The following MECOM variants were observed in gnomAD, a reference collection of about 807,000 sequenced individuals.
MECOM encodes the protein MDS1 and EVI1 complex locus.
In MECOM, 13 loss-of-function variants were observed where a neutral mutation model predicts 116.3. That is an observed-to-expected ratio of 0.11 (90% CI 0.07 to 0.18). The LOEUF is 0.18. MECOM is among the 10% of genes least tolerant of loss of function. MECOM has a pLI of 1.00. For missense variants in MECOM, 1,299 were observed against 1,509.0 expected, an observed-to-expected ratio of 0.86 and a Z score of 2.31; for synonymous variants, 528 against 535.2, an observed-to-expected ratio of 0.99 and a Z score of 0.19.
At chr3:169,480,316 C>A (rs1190104448) in intron 1 of MECOM, among the ~76,000 whole-genome samples, 1 of 152,092 alleles carries the variant, frequency 6.6e-6, no homozygotes, top group Admixed American at 6.6e-5. Context: ...TTCAACACTG[C>A]AATCTGAGTT....
At chr3:169,487,019 G>T (rs544221821) in intron 1 of MECOM, among the ~76,000 whole-genome samples, 137 of 151,758 alleles carry the variant, frequency 9.0e-4, no homozygotes, top group Middle Eastern at 3.4e-3. Context: ...TGTCATTAGA[G>T]AAATGATATC....
intron 2 of MECOM, among the ~76,000 whole-genome samples, chr3:169,152,235 A>AT (rs995530601): frequency 2.0e-5 from 3 of 151,772 alleles, no homozygotes; most frequent in East Asian, 3.9e-4. Flanking sequence ...GCCTTTTTTT[A>AT]TTTTTTTTAA....
intron 1 of MECOM, among the ~76,000 whole-genome samples, chr3:169,496,891 T>A (rs981834519): frequency 2.0e-5 from 3 of 151,932 alleles, no homozygotes; most frequent in Admixed American, 6.6e-5. Context: ...TACAGAAAAA[T>A]TTTCTTTGGG....
At position 169,299,649 on chromosome 3, in the gene MECOM, A is replaced by G. The variant is rs76583443; in HGVS notation, c.375+81538T>C. On this transcript the variant is annotated intron_variant, in intron 2 of 16. Transcript: ENST00000651503. ...TCTTTTCTACTGAACTTCATGAATC[A>G]CAGCCCCATTCCATATGCATAATTC... Among the ~76,000 whole-genome samples the G allele has an allele frequency of 1.4e-3, 206 of 152,272 alleles. 5 individuals carry two copies. The East Asian group carries it at 0.039, about 29-fold the overall frequency.
At chr3:169,319,707 G>A (rs541601679) in intron 2 of MECOM, among the ~76,000 whole-genome samples, 2 of 152,310 alleles carry the variant, frequency 1.3e-5, no homozygotes, top group East Asian at 1.9e-4. Context: ...TCCATCATCA[G>A]TAGCTGTGAG....
At chr3:169,148,233 A>G (rs1217225968) in intron 2 of MECOM, among the ~76,000 whole-genome samples, 3 of 152,174 alleles carry the variant, frequency 2.0e-5, no homozygotes, top group Admixed American at 2.0e-4. Context: ...ATTTTCTTTG[A>G]TACATTAATT....
At chr3:169,631,962 T>C (rs1198225069) in intron 1 of MECOM, among the ~76,000 whole-genome samples, 1 of 152,104 alleles carries the variant, frequency 6.6e-6, no homozygotes, top group Admixed American at 6.5e-5. Context: ...TTTGCTTTCA[T>C]TTTTCCCATC....
In MECOM at chr3:169,131,413, C is replaced by T. The variant is rs1466424100; in HGVS notation, c.613+16G>A. The T allele has an allele frequency of 1.9e-6, 3 of 1,599,100 alleles. No homozygotes were observed. Among genetic ancestry groups the T allele is most frequent in the East Asian group, 2.2e-5 (1 of 44,818 alleles). On this transcript the variant is annotated intron_variant, in intron 4 of 16. Transcript: ENST00000651503. ...GATGATAAGGTGATAAGGAGGGTGG[C>T]GTGAGTGGTACTAACCGTGGATATC...
intron 1 of MECOM, among the ~76,000 whole-genome samples, chr3:169,649,299 C>G (rs1047944841): frequency 6.8e-4 from 101 of 148,998 alleles, no homozygotes; most frequent in African/African-American, 2.4e-3. Context: ...GTCTCAGCTA[C>G]TCCAGAGGCT....
At chr3:169,515,407 A>G (rs1365833345) in intron 1 of MECOM, among the ~76,000 whole-genome samples, 2 of 152,232 alleles carry the variant, frequency 1.3e-5, no homozygotes, top group Non-Finnish European at 2.9e-5. Context: ...TATTCAGTAC[A>G]GACATATAAA....
intron 2 of MECOM, among the ~76,000 whole-genome samples, chr3:169,323,798 C>T (rs966039235): frequency 2.6e-5 from 4 of 152,054 alleles, no homozygotes; most frequent in African/African-American, 7.2e-5. Context: ...CATGGTTATT[C>T]GCCAAATAAT....
intron 2 of MECOM, among the ~76,000 whole-genome samples, chr3:169,294,240 C>G (rs537319924): frequency 4.6e-5 from 7 of 152,042 alleles, no homozygotes; most frequent in Non-Finnish European, 7.4e-5. Context: ...CTATACTTGC[C>G]TTATCTACAT....
chr3:169,175,315 C>G (rs1442207333), intron 2 of MECOM, among the ~76,000 whole-genome samples: 3 of 152,014 alleles, frequency 2.0e-5, no homozygotes, highest in African/African-American at 7.3e-5. Context: ...TTTTGAGTGC[C>G]TATATGACAC....
chr3:169,572,909 A>G (rs1764084595), intron 1 of MECOM, among the ~76,000 whole-genome samples: 2 of 152,176 alleles, frequency 1.3e-5, no homozygotes, highest in South Asian at 4.1e-4. Flanking sequence ...GCAAACCACC[A>G]TGGCACGTGT....
intron 2 of MECOM, among the ~76,000 whole-genome samples, chr3:169,225,672 C>T (rs1406144930): frequency 6.6e-6 from 1 of 152,156 alleles, no homozygotes; most frequent in Non-Finnish European, 1.5e-5. Flanking sequence ...TGCAGTGGTG[C>T]GATCTCAGCT....
At chr3:169,452,743 T>C (rs1199557572) in intron 1 of MECOM, among the ~76,000 whole-genome samples, 2 of 152,194 alleles carry the variant, frequency 1.3e-5, no homozygotes, top group Non-Finnish European at 2.9e-5. Flanking sequence ...AATGAGTGAG[T>C]GAATGAATGA....
rs993368134 is a variant in MECOM, at chr3:169,535,717, G to A, written c.37+127619C>T. On this transcript the variant is annotated intron_variant, in intron 1 of 16. Transcript: ENST00000651503. ...ATAATCTCACTGGAGAAGGAACTGT[G>A]TCTGCTTTGGTCACTGCTTTATCCC... Among the ~76,000 whole-genome samples, 3 of 152,300 alleles carry A rather than the reference G, an allele frequency of 2.0e-5. No individual in the cohort carries two copies. The East Asian group carries it at 5.8e-4, about 29-fold the overall frequency.
intron 3 of MECOM, among the ~76,000 whole-genome samples, chr3:169,139,289 A>C (rs1201897728): frequency 6.6e-6 from 1 of 152,118 alleles, no homozygotes; most frequent in Admixed American, 6.6e-5. Flanking sequence ...TCAAGGGCCT[A>C]CTTAAAAATG....
intron 2 of MECOM, among the ~76,000 whole-genome samples, chr3:169,310,616 C>T (rs754859257): frequency 1.3e-5 from 2 of 152,192 alleles, no homozygotes; most frequent in Non-Finnish European, 2.9e-5. Context: ...GTTCAGAAAC[C>T]TACACTAACA....
Sources: allele counts gnomAD v4.1 joint callset (sites outside exome capture counted in the v4.1 genomes callset), GRCh38; gene constraint gnomAD v4.1.1; transcripts MANE v1.5; gene names NCBI Gene and HGNC (gene_info 2026-07-23, HGNC 2026-07-21).